ATP8A2: variants seen among roughly 807,000 people sequenced by gnomAD.
ATP8A2 encodes the protein phospholipid-transporting ATPase IB.
In ATP8A2, 100 loss-of-function variants were observed where a neutral mutation model predicts 165.6. That is an observed-to-expected ratio of 0.60 (90% CI 0.51 to 0.71). The LOEUF is 0.71. ATP8A2 is among the 30% of genes least tolerant of loss of function. ATP8A2 has a pLI of 0.00. For missense variants in ATP8A2, 1,227 were observed against 1,479.5 expected, an observed-to-expected ratio of 0.83 and a Z score of 2.80; for synonymous variants, 543 against 548.8, an observed-to-expected ratio of 0.99 and a Z score of 0.15.
At chr13:25,812,865 G>T (rs890601609) in intron 27 of ATP8A2, among the ~76,000 whole-genome samples, 1 of 152,232 alleles carries the variant, frequency 6.6e-6, no homozygotes, top group East Asian at 1.9e-4. Context: ...TAAAGAAAAT[G>T]TGGTACATAT....
At chr13:25,850,835 A>G (rs1951989554) in intron 30 of ATP8A2, among the ~76,000 whole-genome samples, 1 of 152,218 alleles carries the variant, frequency 6.6e-6, no homozygotes, top group Admixed American at 6.5e-5. Context: ...CCTGCATGAC[A>G]AACACTTTCT....
intron 1 of ATP8A2, among the ~76,000 whole-genome samples, chr13:25,466,037 C>T (rs910197564): frequency 6.6e-6 from 1 of 151,974 alleles, no homozygotes; most frequent in Admixed American, 6.6e-5. Flanking sequence ...CTACCTGGTT[C>T]GCTTATCTAA....
At chr13:25,474,561 C>CA (rs1168182860) in intron 2 of ATP8A2, among the ~76,000 whole-genome samples, 21 of 103,724 alleles carry the variant, frequency 2.0e-4, no homozygotes, top group African/African-American at 6.3e-4. Flanking sequence ...GACTCTGTCT[C>CA]AAAAAAAAGA....
Position 25,738,340 on chromosome 13 carries a change from TCCCCC to T in ATP8A2, c.2385-30699_2385-30695del, listed in dbSNP as rs55875449. ...TGCTTTTTTTCTTTTTGTGCCCCCC[TCCCCC>T]CCCCCCACACACACTTCTTCTGGTA... On this transcript the variant is annotated intron_variant, in intron 25 of 36. Coordinates refer to ENST00000381655, the MANE Select transcript of ATP8A2 (RefSeq NM_016529.6). Among the ~76,000 whole-genome samples the T allele has an allele frequency of 5.0e-4, 50 of 99,284 alleles. No homozygotes were observed. In the South Asian group the frequency reaches 6.2e-3, roughly 12 times the overall value. The allele number at this position is 99,284 out of a possible 152,430, so 65.1% of individuals were successfully genotyped here.
chr13:25,512,029 G>A (rs2037243301), intron 2 of ATP8A2, among the ~76,000 whole-genome samples: 2 of 151,998 alleles, frequency 1.3e-5, no homozygotes, highest in African/African-American at 2.4e-5. Flanking sequence ...AGAGGACCCT[G>A]CGGCCTTCCG....
At chr13:25,999,440 C>T (rs993812360) in intron 35 of ATP8A2, among the ~76,000 whole-genome samples, 1 of 152,320 alleles carries the variant, frequency 6.6e-6, no homozygotes, top group African/African-American at 2.4e-5. Context: ...GCTGTTCCTG[C>T]TGAACCTTTT....
intron 24 of ATP8A2, among the ~76,000 whole-genome samples, chr13:25,653,087 G>GT (rs2041850523): frequency 6.6e-6 from 1 of 152,140 alleles, no homozygotes. Context: ...GTCCAGGAAG[G>GT]TTTTTTGTTT....
At chr13:25,906,210 C>A (rs916684589) in intron 33 of ATP8A2, among the ~76,000 whole-genome samples, 1 of 151,328 alleles carries the variant, frequency 6.6e-6, no homozygotes, top group African/African-American at 2.4e-5. Context: ...CCTTTATTTG[C>A]CCTTCATGGC....
chr13:25,566,775 A>G (rs903110539), intron 16 of ATP8A2, among the ~76,000 whole-genome samples: 6 of 152,210 alleles, frequency 3.9e-5, no homozygotes, highest in African/African-American at 1.2e-4. Context: ...ATTTATATGA[A>G]ATACCTTGCT....
rs1260453429 is a variant in ATP8A2, at chr13:25,407,761, C to T, written c.76+35473C>T. ...ATATTTGAGGGGTTAAGAAAGACTT[C>T]CTCCCTGGGTTTTGCTGGGGAGATC... On this transcript the variant is annotated intron_variant, in intron 1 of 36. Transcript: ENST00000381655. Among the ~76,000 whole-genome samples the T allele has an allele frequency of 2.0e-5, 3 of 150,174 alleles. 1 individual carries two copies. Among genetic ancestry groups the T allele is most frequent in the East Asian group, 3.9e-4 (2 of 5,080 alleles).
intron 27 of ATP8A2, among the ~76,000 whole-genome samples, chr13:25,779,566 G>A (rs2044824396): frequency 6.6e-6 from 1 of 152,014 alleles, no homozygotes; most frequent in African/African-American, 2.4e-5. Flanking sequence ...TTGGAAGCTG[G>A]GATTCCTTTT....
intron 10 of ATP8A2, among the ~76,000 whole-genome samples, chr13:25,545,932 G>C (rs2138020764): frequency 6.6e-6 from 1 of 152,316 alleles, no homozygotes; most frequent in East Asian, 1.9e-4. Context: ...ACAGTTCCCA[G>C]CCTACTTCTG....
At chr13:25,762,598 A>AT (rs1355044804) in intron 25 of ATP8A2, among the ~76,000 whole-genome samples, 2 of 151,924 alleles carry the variant, frequency 1.3e-5, no homozygotes, top group African/African-American at 2.4e-5. Flanking sequence ...ATAGAACTGT[A>AT]TTTTTTTTCT....
chr13:25,598,049 T>A (rs930410610), intron 24 of ATP8A2, among the ~76,000 whole-genome samples: 1 of 152,154 alleles, frequency 6.6e-6, no homozygotes, highest in Non-Finnish European at 1.5e-5. Context: ...TTATTGTGCA[T>A]GGTATGAGGT....
At chr13:26,010,058 C>G (rs1956811550) in intron 35 of ATP8A2, among the ~76,000 whole-genome samples, 1 of 152,130 alleles carries the variant, frequency 6.6e-6, no homozygotes, top group Admixed American at 6.5e-5. Flanking sequence ...AAGCAAGACT[C>G]TGTCTCAAAA....
chr13:25,878,975 C>G (rs1952896692), intron 33 of ATP8A2, among the ~76,000 whole-genome samples: 1 of 152,228 alleles, frequency 6.6e-6, no homozygotes, highest in South Asian at 2.1e-4. Context: ...TTATAGCATT[C>G]TACCACCGGT....
chr13:25,874,022 C>T (rs1952754417), intron 33 of ATP8A2, among the ~76,000 whole-genome samples: 1 of 152,206 alleles, frequency 6.6e-6, no homozygotes, highest in Non-Finnish European at 1.5e-5. Flanking sequence ...TGGACAATTG[C>T]AGTAGTCTCA....
intron 1 of ATP8A2, among the ~76,000 whole-genome samples, chr13:25,418,546 A>G (rs2034202416): frequency 6.6e-6 from 1 of 152,168 alleles, no homozygotes; most frequent in South Asian, 2.1e-4. Flanking sequence ...AGATGTTACA[A>G]TTGATTCCAG....
chr13:26,020,374 C>G lies in ATP8A2; in HGVS notation c.*389C>G, dbSNP rs1957064775. The G allele has an allele frequency of 5.4e-6, 1 of 183,696 alleles. No homozygotes were observed. The allele number at this position is 183,696 out of a possible 1,614,324, so 11.4% of individuals were successfully genotyped here. A position where few individuals can be genotyped will look rare whatever the true frequency, so the allele number is the denominator to read the frequency against. On this transcript the variant is annotated 3_prime_UTR_variant, in exon 37 of 37. Coordinates refer to ENST00000381655, the MANE Select transcript of ATP8A2 (RefSeq NM_016529.6). The stretch of plus-strand genomic sequence containing the variant: ...AGAGGCCCATCCTGTGTAATTGGAG[C>G]AGGGCACACTTGCTTCCTGTTGAGT...
Sources: gnomAD v4.1 joint callset for allele counts (sites outside exome capture counted in the v4.1 genomes callset) on GRCh38, gnomAD v4.1.1 for gene constraint, MANE v1.5 for transcripts, NCBI Gene and HGNC (gene_info 2026-07-23, HGNC 2026-07-21) for gene names.